CNTN5: variants seen among roughly 807,000 people sequenced by gnomAD.
The protein encoded by CNTN5 is contactin 5, also known as contactin-5.
A neutral mutation model predicts 129.1 loss-of-function variants in CNTN5; 77 were observed. That is an observed-to-expected ratio of 0.60 (90% CI 0.50 to 0.72). The LOEUF (loss-of-function observed/expected upper bound fraction) is 0.72. Among genes scored for constraint, CNTN5 ranks in the 30% least tolerant of loss-of-function variants. The pLI is 0.00. For synonymous variants in CNTN5, 509 were observed against 465.6 expected (o/e 1.09, Z -1.20); for missense variants, 1,478 against 1,328.8 (o/e 1.11, Z -1.75).
At chr11:99,109,461 G>A (rs2135377791) in intron 1 of CNTN5, among the ~76,000 whole-genome samples, 1 of 152,114 alleles carries the variant, frequency 6.6e-6, no homozygotes, top group Middle Eastern at 3.4e-3. Context: ...TAGGAATGAA[G>A]ATACGTAAGG....
chr11:100,146,814 A>G (rs909596158), intron 13 of CNTN5, among the ~76,000 whole-genome samples: 1 of 152,184 alleles, frequency 6.6e-6, no homozygotes, highest in Non-Finnish European at 1.5e-5. Context: ...AATGTTGTGA[A>G]CAATGCATGA....
intron 3 of CNTN5, among the ~76,000 whole-genome samples, chr11:99,693,121 A>G (rs570849214): frequency 3.0e-4 from 46 of 152,326 alleles, no homozygotes; most frequent in African/African-American, 1.1e-3. Flanking sequence ...TAAGATGTAA[A>G]TATGTACTTC....
intron 13 of CNTN5, among the ~76,000 whole-genome samples, chr11:100,152,474 A>C (rs1365548038): frequency 6.6e-6 from 1 of 152,118 alleles, no homozygotes; most frequent in African/African-American, 2.4e-5. Flanking sequence ...CGTGACACAG[A>C]AGAAGTGAAC....
intron 2 of CNTN5, among the ~76,000 whole-genome samples, chr11:99,517,058 A>G (rs1041517448): frequency 6.6e-6 from 1 of 152,102 alleles, no homozygotes; most frequent in Non-Finnish European, 1.5e-5. Context: ...TATATGTTAC[A>G]CACACAGTTG....
intron 15 of CNTN5, among the ~76,000 whole-genome samples, chr11:100,195,537 TAATTACAACCCACTTTGAA>T (rs1948615964): frequency 6.6e-6 from 1 of 151,942 alleles, no homozygotes; most frequent in Admixed American, 6.6e-5. Context: ...CAAACCCATA[TAATTACAACCCACTTTGAA>T]ATTAGGCTCT....
chr11:99,685,179 G>A (rs1157142125), intron 3 of CNTN5, among the ~76,000 whole-genome samples: 1 of 151,082 alleles, frequency 6.6e-6, no homozygotes, highest in Non-Finnish European at 1.5e-5. Flanking sequence ...GAAATACATT[G>A]TCAAATTTCA....
chr11:100,289,942 C>T (rs1406239137), intron 18 of CNTN5, among the ~76,000 whole-genome samples: 7 of 151,480 alleles, frequency 4.6e-5, no homozygotes, highest in Non-Finnish European at 8.8e-5. Flanking sequence ...GTGCAAAAAT[C>T]ACAAGCATTC....
rs1412277178 is a variant in CNTN5 at position 100,002,035 on chromosome 11, T to C, written c.879T>C (p.Gly293=). 1 of 1,578,614 alleles carries C rather than the reference T, an allele frequency of 6.3e-7. No homozygotes were observed. Residue 293 remains glycine (G), a splice_region_variant and synonymous_variant, in exon 9 of 25, where the codon GGT becomes GGC. Transcript: ENST00000524871. ...TAAAGACTATTCTTTCTTTCTAAGG[T>C]GTGATGGGAGAATATGAGCCGAAAA... ...PPTPLTLRND[G]VMGEYEPKIE...
intron 2 of CNTN5, among the ~76,000 whole-genome samples, chr11:99,430,354 CAT>C (rs568089283): frequency 0.1 from 15,290 of 148,978 alleles, 943 homozygotes; most frequent in African/African-American, 0.17. Flanking sequence ...AGTGTAAAAT[CAT>C]ATATATATAT....
At chr11:99,661,439 C>A (rs1451137665) in intron 3 of CNTN5, among the ~76,000 whole-genome samples, 1 of 152,076 alleles carries the variant, frequency 6.6e-6, no homozygotes, top group African/African-American at 2.4e-5. Context: ...TATTACAATT[C>A]ATATTTGTCA....
intron 1 of CNTN5, among the ~76,000 whole-genome samples, chr11:99,093,373 C>T (rs1220208424): frequency 6.6e-6 from 1 of 151,498 alleles, no homozygotes; most frequent in Non-Finnish European, 1.5e-5. Context: ...AAGCATAAAT[C>T]AAATAAGATA....
At chr11:100,048,126 A>T (rs1942785160) in intron 9 of CNTN5, among the ~76,000 whole-genome samples, 1 of 152,082 alleles carries the variant, frequency 6.6e-6, no homozygotes, top group Admixed American at 6.6e-5. Flanking sequence ...GCGAGACTCC[A>T]TCTCTCAAAA....
chr11:99,287,967 C>T (rs576281847), intron 1 of CNTN5, among the ~76,000 whole-genome samples: 2 of 152,048 alleles, frequency 1.3e-5, no homozygotes, highest in South Asian at 4.2e-4. Flanking sequence ...ATGCTCTTCT[C>T]GTTTAATTCC....
chr11:100,144,995 T>C (rs948250357), intron 13 of CNTN5, among the ~76,000 whole-genome samples: 2 of 125,580 alleles, frequency 1.6e-5, no homozygotes, highest in Non-Finnish European at 3.9e-5. Context: ...TGGTACCGAC[T>C]TCACATAATA....
In CNTN5 at chr11:99,027,401, G is replaced by A. The variant is rs551157093; in HGVS notation, c.-210+6131G>A. On this transcript the variant is annotated intron_variant, in intron 1 of 24. Transcript: ENST00000524871. ...TCATGGGCTTTTTAAAGGTAGTAGCGATTTTAGAGCATTTGATAATAAAGC... is the reference window on the plus strand; with the variant it reads ...TCATGGGCTTTTTAAAGGTAGTAGCAATTTTAGAGCATTTGATAATAAAGC... Among the ~76,000 whole-genome samples the A allele has an allele frequency of 4.6e-5, 7 of 151,570 alleles. No homozygotes were observed. In the South Asian group the frequency reaches 8.3e-4, roughly 18 times the overall value.
chr11:99,521,402 A>G (rs1234285973), intron 2 of CNTN5, among the ~76,000 whole-genome samples: 1 of 152,142 alleles, frequency 6.6e-6, no homozygotes, highest in Non-Finnish European at 1.5e-5. Context: ...TTTAAGTTTG[A>G]TACCAAATAA....
chr11:99,382,755 C>T (rs965424681), intron 2 of CNTN5, among the ~76,000 whole-genome samples: 4 of 147,016 alleles, frequency 2.7e-5, no homozygotes, highest in Non-Finnish European at 4.5e-5. Flanking sequence ...GAGGTTCTTC[C>T]ATTTTTGACA....
At chr11:99,927,691 C>T (rs960266512) in intron 7 of CNTN5, among the ~76,000 whole-genome samples, 3 of 152,148 alleles carry the variant, frequency 2.0e-5, no homozygotes, top group Admixed American at 6.5e-5. Context: ...AATTACCTCT[C>T]ACCAGGTCCC....
chr11:100,306,092 T>C (rs1258655826), intron 20 of CNTN5, among the ~76,000 whole-genome samples: 4 of 151,520 alleles, frequency 2.6e-5, no homozygotes, highest in Non-Finnish European at 5.9e-5. Context: ...TTAAAATGAT[T>C]CTTCAGTTCT....
Sources: gnomAD v4.1 joint callset for allele counts (sites outside exome capture counted in the v4.1 genomes callset) on GRCh38, gnomAD v4.1.1 for gene constraint, MANE v1.5 for transcripts, NCBI Gene and HGNC (gene_info 2026-07-23, HGNC 2026-07-21) for gene names.